Variants in CDYL observed in about 807,000 individuals in gnomAD.
The protein encoded by CDYL is chromodomain Y like, also known as chromodomain Y-like protein.
In CDYL, 8 loss-of-function variants were observed where a neutral mutation model predicts 47.3. That is an observed-to-expected ratio of 0.17 (90% CI 0.10 to 0.31). The LOEUF (loss-of-function observed/expected upper bound fraction) is 0.31, where lower values mean the gene tolerates loss of function less well. CDYL is among the 10% of genes least tolerant of loss of function. The pLI, the probability that CDYL is intolerant of heterozygous loss-of-function variation, is 1.00. For synonymous variants in CDYL, 266 were observed against 265.0 expected (o/e 1.00, Z -0.04); for missense variants, 471 against 701.4 (o/e 0.67, Z 3.71).
intron 2 of CDYL, chr6:4,928,850 T>G (rs1336111385): frequency 6.6e-6 from 1 of 152,230 alleles, no homozygotes; most frequent in Non-Finnish European, 1.5e-5. Context: ...TAAGATACTT[T>G]AATATATTTG....
chr6:4,715,951 T>G, intron 2 of CDYL: 1 of 1,553,832 alleles, frequency 6.4e-7, no homozygotes, highest in Non-Finnish European at 8.7e-7. Flanking sequence ...CCCTTTTATT[T>G]AAAAATGATT....
At chr6:4,734,967 G>A in intron 3 of CDYL, 1 of 1,456,888 alleles carries the variant, frequency 6.9e-7, no homozygotes, top group Non-Finnish European at 9.1e-7. Context: ...CCCTTTGGTG[G>A]TCTGGTGAAG....
intron 1 of CDYL, among the ~76,000 whole-genome samples, chr6:4,851,839 ACTGAGGAGTG>A (rs1390645603): frequency 1.3e-5 from 2 of 152,192 alleles, no homozygotes; most frequent in African/African-American, 4.8e-5. Context: ...ATGGTCCAGG[ACTGAGGAGTG>A]CTGAATCTAC....
At chr6:4,834,446 G>C (rs1343750080) in intron 1 of CDYL, among the ~76,000 whole-genome samples, 1 of 150,278 alleles carries the variant, frequency 6.7e-6, no homozygotes, top group African/African-American at 2.5e-5. Context: ...GAGATCCGCT[G>C]TTAGTCTGAT....
At chr6:4,740,376 C>A (rs6941758) in intron 3 of CDYL, among the ~76,000 whole-genome samples, 1 of 151,934 alleles carries the variant, frequency 6.6e-6, no homozygotes, top group African/African-American at 2.4e-5. Context: ...TTAGTCGTCA[C>A]AGCTGGGGCA....
intron 1 of CDYL, among the ~76,000 whole-genome samples, chr6:4,784,732 G>A (rs1172710168): frequency 1.6e-4 from 25 of 152,098 alleles, no homozygotes; most frequent in Admixed American, 1.6e-3. Context: ...AGTTGATATG[G>A]TTTGGCTGTG....
At chr6:4,846,807 G>A (rs1405413725) in intron 1 of CDYL, among the ~76,000 whole-genome samples, 1 of 152,184 alleles carries the variant, frequency 6.6e-6, no homozygotes, top group Non-Finnish European at 1.5e-5. Flanking sequence ...AACCAGATTG[G>A]ACATTGAGAC....
At chr6:4,745,512 A>G (rs1757877462) in intron 3 of CDYL, among the ~76,000 whole-genome samples, 1 of 151,824 alleles carries the variant, frequency 6.6e-6, no homozygotes, top group Non-Finnish European at 1.5e-5. Flanking sequence ...TGAGGTGGGC[A>G]GAAAAGATCA....
chr6:4,860,623 ATAT>A (rs1761141023), intron 1 of CDYL, among the ~76,000 whole-genome samples: 1 of 147,494 alleles, frequency 6.8e-6, no homozygotes, highest in African/African-American at 2.5e-5. Context: ...ATTTTGTATC[ATAT>A]TATGTATATT....
At chr6:4,790,890 CAG>C (rs546362872) in intron 1 of CDYL, among the ~76,000 whole-genome samples, 2 of 152,158 alleles carry the variant, frequency 1.3e-5, no homozygotes, top group Non-Finnish European at 1.5e-5. Flanking sequence ...TTGATAAAAA[CAG>C]AGAAAATATC....
At chr6:4,736,344 A>C (rs145376644) in intron 3 of CDYL, among the ~76,000 whole-genome samples, 1 of 152,332 alleles carries the variant, frequency 6.6e-6, no homozygotes, top group African/African-American at 2.4e-5. Flanking sequence ...TGCTGGTACT[A>C]CTATAGTTTG....
At chr6:4,834,470 T>A (rs367840115) in intron 1 of CDYL, among the ~76,000 whole-genome samples, 12,573 of 149,208 alleles carry the variant, frequency 0.084, 582 homozygotes, top group South Asian at 0.12. Context: ...CTTCCCTTTG[T>A]GGGTAACCCG....
chr6:4,919,760 A>G (rs1184653377), intron 2 of CDYL, among the ~76,000 whole-genome samples: 2 of 152,222 alleles, frequency 1.3e-5, no homozygotes, highest in Non-Finnish European at 2.9e-5. Context: ...TAGTTTTATT[A>G]TAATTACTAA....
intron 5 of CDYL, among the ~76,000 whole-genome samples, chr6:4,950,931 C>CAA (rs11434312): frequency 0.015 from 1,900 of 124,280 alleles, 41 homozygotes; most frequent in African/African-American, 0.044. Context: ...GACTCCGTCT[C>CAA]AAAAAAAAAA....
chr6:4,817,235 G>A (rs984242950), intron 1 of CDYL, among the ~76,000 whole-genome samples: 3 of 151,888 alleles, frequency 2.0e-5, no homozygotes. Context: ...AACTTCAGCC[G>A]GAGCCTAATA....
At chr6:4,888,077 C>T (rs990638058) in intron 1 of CDYL, among the ~76,000 whole-genome samples, 2 of 151,790 alleles carry the variant, frequency 1.3e-5, no homozygotes, top group Admixed American at 6.6e-5. Flanking sequence ...TTGTATATTG[C>T]GGAATTCAAT....
intron 3 of CDYL, among the ~76,000 whole-genome samples, chr6:4,753,791 C>T (rs1758034293): frequency 6.6e-6 from 1 of 152,190 alleles, no homozygotes; most frequent in African/African-American, 2.4e-5. Context: ...AGAAACCTGG[C>T]TTCTACTAAA....
chr6:4,871,597 G>A (rs143782405), intron 1 of CDYL, among the ~76,000 whole-genome samples: 93 of 152,252 alleles, frequency 6.1e-4, no homozygotes, highest in Admixed American at 1.4e-3. Context: ...AGCCTCTCAC[G>A]TGGCAGACCT....
rs1475693666 is a variant in CDYL, at chr6:4,892,345, A to G, written c.657A>G (p.Ala219=). Residue 219 remains alanine, a synonymous_variant, in exon 2 of 7, where the codon GCA becomes GCG. Transcript: ENST00000397588. ...CTCAGGTGCCCGGCCCTGTGACTGC[A>G]GCCATGGCCACAGGCTTAGCTGTTA... The part of the protein sequence containing the change: ...LVPQVPGPVT[A]AMATGLAVNG... The G allele has an allele frequency of 6.2e-7, 1 of 1,613,448 alleles. No individual in the cohort carries two copies. The highest frequency in any genetic ancestry group is 8.5e-7 in the Non-Finnish European group (1 of 1,179,692).
Sources: gnomAD v4.1 joint callset for allele counts (sites outside exome capture counted in the v4.1 genomes callset) on GRCh38, gnomAD v4.1.1 for gene constraint, MANE v1.5 for transcripts, NCBI Gene and HGNC (gene_info 2026-07-23, HGNC 2026-07-21) for gene names.